Variants in TRIP11 observed in about 807,000 individuals in gnomAD.
TRIP11 encodes thyroid receptor-interacting protein 11.
A neutral mutation model predicts 223.1 loss-of-function variants in TRIP11; 148 were observed. The observed-to-expected ratio is 0.66, with a 90% CI of 0.58 to 0.76. The LOEUF (loss-of-function observed/expected upper bound fraction) is 0.76. Ranked by LOEUF, TRIP11 falls within the 30% of genes least tolerant of loss-of-function variation. TRIP11 has a pLI of 0.00. For synonymous variants in TRIP11, 762 were observed against 772.6 expected (o/e 0.99, Z 0.23); for missense variants, 2,043 against 2,222.0 (o/e 0.92, Z 1.62).
intron 2 of TRIP11, among the ~76,000 whole-genome samples, chr14:92,031,200 C>T (rs948763307): frequency 1.3e-5 from 2 of 152,094 alleles, no homozygotes; most frequent in Non-Finnish European, 2.9e-5. Flanking sequence ...CTCACTGCAA[C>T]CTCCACATCC....
chr14:92,021,489 C>T lies in TRIP11; in HGVS notation c.588+67G>A. On this transcript the variant is annotated intron_variant, in intron 4 of 20. Coordinates refer to ENST00000267622, the MANE Select transcript of TRIP11 (RefSeq NM_004239.4). The stretch of plus-strand genomic sequence containing the variant: ...TTTCTGATATCAAAAGCTCTACATA[C>T]AGTTTTTTATATTACACCAGTAATT... 5 of 1,520,076 alleles carry T rather than the reference C, an allele frequency of 3.3e-6. No individual in the cohort carries two copies. The South Asian group carries it at 4.6e-5, about 14-fold the overall frequency. 94.2% of individuals were successfully genotyped at this position (1,520,076 alleles called of 1,614,324 possible).
intron 3 of TRIP11, among the ~76,000 whole-genome samples, chr14:92,024,370 C>CAAA (rs61209764): frequency 9.4e-6 from 1 of 106,672 alleles, no homozygotes; most frequent in Non-Finnish European, 2.0e-5. Context: ...GACTCTGTCT[C>CAAA]AAAAAAAAAA....
At chr14:92,026,957 C>A in intron 2 of TRIP11, 2 of 1,077,816 alleles carry the variant, frequency 1.9e-6, no homozygotes, top group South Asian at 1.3e-5. Context: ...CTTCCCCTCT[C>A]AGAATCTAAA....
At chr14:91,973,141 T>C (rs544816875) in intron 19 of TRIP11, among the ~76,000 whole-genome samples, 4 of 151,600 alleles carry the variant, frequency 2.6e-5, no homozygotes, top group Admixed American at 6.6e-5. Flanking sequence ...TTCTCCTGCC[T>C]CAGCCATCTA....
chr14:91,981,005 T>C (rs2056532029), intron 16 of TRIP11, among the ~76,000 whole-genome samples: 1 of 68,792 alleles, frequency 1.5e-5, no homozygotes, highest in South Asian at 5.0e-4. Flanking sequence ...TATATATATA[T>C]ATATATATTT....
rs2056341871 is a variant in TRIP11 at position 91,966,309 on chromosome 14, C to T, written c.*3364G>A. 5.6e-6 allele frequency: 1 copy of T among 179,004 alleles called. No individual in the cohort carries two copies. The highest frequency in any genetic ancestry group is 6.3e-5 in the Admixed American group (1 of 15,864). The allele number at this position is 179,004 out of a possible 1,614,324, so 11.1% of individuals were successfully genotyped here. ...CAGAACATTAAAGTAGCATTTTTTC[C>T]ATAGGAATATATAAAATAAATATCA... On this transcript the variant is annotated 3_prime_UTR_variant, in exon 21 of 21. Coordinates refer to ENST00000267622, the MANE Select transcript of TRIP11 (RefSeq NM_004239.4).
At chr14:91,975,006 T>C (rs534484098) in intron 18 of TRIP11, among the ~76,000 whole-genome samples, 166 bp downstream of exon 18, 121 of 152,362 alleles carry the variant, frequency 7.9e-4, no homozygotes, top group African/African-American at 2.7e-3. Flanking sequence ...ACTAATATCA[T>C]ACATATTGAA....
At chr14:92,013,944 A>G (rs909436172) in intron 7 of TRIP11, among the ~76,000 whole-genome samples, 1 of 152,224 alleles carries the variant, frequency 6.6e-6, no homozygotes, top group Non-Finnish European at 1.5e-5. Flanking sequence ...ACTTTGAAGA[A>G]GAAAGGCTGT....
Position 92,037,865 on chromosome 14 carries a change from A to G in TRIP11, c.139+1682T>C, listed in dbSNP as rs1376279061. Among the ~76,000 whole-genome samples the G allele has an allele frequency of 6.6e-6, 1 of 152,184 alleles. No homozygotes were observed. The highest frequency in any genetic ancestry group is 2.4e-5 in the African/African-American group (1 of 41,450). ...CATCCAGCCTACGCAACAGAGTGAGACTCAGTCCAAAACTAAGAGGTTTGG... is the reference window on the plus strand; with the variant it reads ...CATCCAGCCTACGCAACAGAGTGAGGCTCAGTCCAAAACTAAGAGGTTTGG... On this transcript the variant is annotated intron_variant, in intron 1 of 20. Coordinates refer to ENST00000267622, the MANE Select transcript of TRIP11 (RefSeq NM_004239.4). The surrounding 1 kb of genome is among the most constrained non-coding windows in gnomAD (Gnocchi z 4.2).
chr14:91,976,147 A>G lies in TRIP11; in HGVS notation c.5303T>C (p.Leu1768Ser). The stretch of plus-strand genomic sequence containing the variant: ...TTCTGAGCTGTTTGCTAAGCTCATC[A>G]ATTTCTTTTGTACATCATCCAGCAT... ...QEMLDDVQKK[L>S]MSLANSSEGK... The change falls in exon 17 of 21, where the codon TTG (leucine) becomes TCG (serine). Residue 1768 changes from leucine to serine, a missense_variant. By Grantham distance (145) the Leu-to-Ser change is moderately radical. Coordinates refer to ENST00000267622, the MANE Select transcript of TRIP11 (RefSeq NM_004239.4). The G allele has an allele frequency of 1.9e-6, 3 of 1,612,572 alleles. No individual in the cohort carries two copies. Among genetic ancestry groups the G allele is most frequent in the African/African-American group, 1.3e-5 (1 of 75,026 alleles).
chr14:92,027,367 T>A (rs544282891), intron 2 of TRIP11, among the ~76,000 whole-genome samples: 3 of 152,224 alleles, frequency 2.0e-5, no homozygotes, highest in African/African-American at 7.2e-5. Flanking sequence ...TTCCAATAAC[T>A]TTTTTGTGTA....
chr14:91,980,394 A>G (rs1346692483), intron 16 of TRIP11, among the ~76,000 whole-genome samples: 2 of 152,052 alleles, frequency 1.3e-5, no homozygotes, highest in Non-Finnish European at 2.9e-5. Flanking sequence ...CCTGACTGAG[A>G]AAAAAAAGGA....
At position 91,968,919 on chromosome 14, in the gene TRIP11, T is replaced by G. The variant is rs954713169; in HGVS notation, c.*754A>C. The G allele has an allele frequency of 9.9e-5, 23 of 231,932 alleles. No individual in the cohort carries two copies. Among genetic ancestry groups the G allele is most frequent in the Non-Finnish European group, 1.4e-4 (16 of 116,888 alleles). 14.4% of individuals were successfully genotyped at this position (231,932 alleles called of 1,614,324 possible). A position where few individuals can be genotyped will look rare whatever the true frequency, so the allele number is the denominator to read the frequency against. ...CACAGGGGGATGCTTGTAATGGAAG[T>G]CTTCCGTGTCTTGCCTGTGGTGGTA... On this transcript the variant is annotated 3_prime_UTR_variant, in exon 21 of 21. Coordinates refer to ENST00000267622, the MANE Select transcript of TRIP11 (RefSeq NM_004239.4).
At position 92,003,354 on chromosome 14, in the gene TRIP11, A is replaced by G. The variant is rs142842016; in HGVS notation, c.4557+65T>C. 182 of 1,586,962 alleles carry G rather than the reference A, an allele frequency of 1.1e-4. 1 individual carries two copies. The Middle Eastern group carries it at 4.3e-3, about 38-fold the overall frequency. On this transcript the variant is annotated intron_variant, in intron 11 of 20. Transcript: ENST00000267622. ...TCCCCTTCAAAGACAATATAAATGA[A>G]ATAACATTAAAAAAAGTCTCCTCCA...
chr14:92,013,120 A>G (rs914951377), intron 7 of TRIP11, among the ~76,000 whole-genome samples: 1 of 152,208 alleles, frequency 6.6e-6, no homozygotes, highest in African/African-American at 2.4e-5. Flanking sequence ...TACAAAAATT[A>G]GCTGGGCGTG....
intron 20 of TRIP11, 54 bp from the exon 21 acceptor site, chr14:91,969,947 G>C: frequency 6.6e-7 from 1 of 1,508,852 alleles, no homozygotes; most frequent in Non-Finnish European, 9.1e-7. Flanking sequence ...AAGTCAAAAT[G>C]AAATAACTCT....
At chr14:91,977,609 TTTC>T (rs1427879636) in intron 16 of TRIP11, among the ~76,000 whole-genome samples, 1 of 145,250 alleles carries the variant, frequency 6.9e-6, no homozygotes, top group Non-Finnish European at 1.5e-5. Flanking sequence ...TTGTCATTCT[TTTC>T]TTTTTTTTTT....
chr14:91,970,736 T>C (rs2056391711), intron 20 of TRIP11, among the ~76,000 whole-genome samples: 1 of 152,196 alleles, frequency 6.6e-6, no homozygotes, highest in Non-Finnish European at 1.5e-5. Flanking sequence ...GCTTATCTAA[T>C]ACCTTATTAA....
chr14:92,021,929 C>T, intron 3 of TRIP11, 98 bp from the exon 4 acceptor site: 5 of 1,330,762 alleles, frequency 3.8e-6, no homozygotes, highest in South Asian at 2.5e-5. Context: ...AATAATTTGT[C>T]TAAGATTATC....
Sources: gnomAD v4.1 joint callset for allele counts (sites outside exome capture counted in the v4.1 genomes callset) on GRCh38, gnomAD v4.1.1 for gene constraint, Gnocchi (gnomAD v3.1) non-coding constraint, MANE v1.5 for transcripts, NCBI Gene and HGNC (gene_info 2026-07-23, HGNC 2026-07-21) for gene names.